The following SLC1A6 variants were observed in gnomAD, a reference collection of about 807,000 sequenced individuals.
The protein encoded by SLC1A6 is solute carrier family 1 member 6, also known as excitatory amino acid transporter 4.
SLC1A6 carries 15 observed loss-of-function variants against 42.1 expected under a neutral mutation model. The observed-to-expected ratio is 0.36, with a 90% confidence interval of 0.24 to 0.55. The LOEUF (loss-of-function observed/expected upper bound fraction) is 0.55. Ranked by LOEUF, SLC1A6 falls within the 20% of genes least tolerant of loss-of-function variation. The pLI, the probability that SLC1A6 is intolerant of heterozygous loss-of-function variation, is 0.88. For missense variants in SLC1A6, 542 were observed against 772.5 expected, an observed-to-expected ratio of 0.70 and a Z score of 3.54; for synonymous variants, 317 against 319.7, an observed-to-expected ratio of 0.99 and a Z score of 0.09.
At chr19:14,993,576 G>C (rs1267957187) in intron 1 of SLC1A6, among the ~76,000 whole-genome samples, 2 of 152,320 alleles carry the variant, frequency 1.3e-5, no homozygotes, top group East Asian at 3.9e-4. Flanking sequence ...CTCTGTCTTA[G>C]TGAGAGATGT....
At chr19:15,001,426 A>AGAGGAGAAAGAACATTTCG (rs1491588844) in intron 1 of SLC1A6, among the ~76,000 whole-genome samples, 52 of 152,344 alleles carry the variant, frequency 3.4e-4, no homozygotes, top group African/African-American at 1.2e-3. Context: ...AGAACATTTC[A>AGAGGAGAAAGAACATTTCG]GAGAGGGGAA....
At chr19:14,986,522 CAA>C (rs957267768) in intron 1 of SLC1A6, among the ~76,000 whole-genome samples, 4 of 109,922 alleles carry the variant, frequency 3.6e-5, no homozygotes, top group Non-Finnish European at 3.9e-5. Flanking sequence ...AACTCCGTCT[CAA>C]AAAAAAAAAA....
chr19:14,992,349 T>G (rs2045824621), intron 1 of SLC1A6, among the ~76,000 whole-genome samples: 1 of 152,214 alleles, frequency 6.6e-6, no homozygotes, highest in Non-Finnish European at 1.5e-5. Flanking sequence ...TGTGGCCTTG[T>G]GAGTCTCTTG....
At chr19:14,987,616 A>G (rs988557195) in intron 1 of SLC1A6, among the ~76,000 whole-genome samples, 1 of 152,170 alleles carries the variant, frequency 6.6e-6, no homozygotes, top group Admixed American at 6.6e-5. Context: ...CAAAGCAGAT[A>G]AGGAAGTGAG....
chr19:14,951,273 A>AAGAAAG (rs1555704146), intron 9 of SLC1A6, among the ~76,000 whole-genome samples: 15,823 of 95,054 alleles, frequency 0.17, 469 homozygotes, highest in Non-Finnish European at 0.19. Flanking sequence ...AAAAAAAAAA[A>AAGAAAG]AAAAAGAAAG....
At chr19:15,002,664 AAAG>A (rs1208565857) in intron 1 of SLC1A6, among the ~76,000 whole-genome samples, 1 of 152,210 alleles carries the variant, frequency 6.6e-6, no homozygotes, top group African/African-American at 2.4e-5. Context: ...CCCAGCTGAA[AAAG>A]AAATCCATCA....
intron 6 of SLC1A6, among the ~76,000 whole-genome samples, chr19:14,959,039 T>G (rs928654622): frequency 6.6e-6 from 1 of 152,248 alleles, no homozygotes; most frequent in Non-Finnish European, 1.5e-5. Context: ...CAAGCCTCCT[T>G]ACTTTATGCT....
intron 2 of SLC1A6, 46 bp from the exon 3 acceptor site, chr19:14,971,920 A>C: frequency 6.2e-7 from 1 of 1,604,626 alleles, no homozygotes; most frequent in Non-Finnish European, 8.5e-7. Flanking sequence ...TGGGTCGCTC[A>C]GCCCCAGGCA....
At position 14,950,098 on chromosome 19, in the gene SLC1A6, T is replaced by G; in HGVS notation, c.*97A>C. The stretch of plus-strand genomic sequence containing the variant: ...CCCTAAATGAGTCAAGCAGAACGTG[T>G]GTTCAGCCCACGGTCAGTTGGGCAA... On this transcript the variant is annotated 3_prime_UTR_variant, in exon 10 of 10. Transcript: ENST00000594383. 2 of 815,582 alleles carry G rather than the reference T, an allele frequency of 2.5e-6. No homozygotes were observed. The highest frequency in any genetic ancestry group is 3.6e-6 in the Non-Finnish European group (2 of 550,602). 50.5% of individuals were successfully genotyped at this position (815,582 alleles called of 1,614,324 possible).
chr19:14,979,543 C>A lies in SLC1A6; in HGVS notation c.-242G>T, dbSNP rs904366013. 6.6e-6 allele frequency: 1 copy of A among 150,904 alleles called. No homozygotes were observed. Among genetic ancestry groups the A allele is most frequent in the Non-Finnish European group, 1.5e-5 (1 of 67,636 alleles). The allele number at this position is 150,904 out of a possible 1,614,324, so 9.3% of individuals were successfully genotyped here. On this transcript the variant is annotated 5_prime_UTR_variant, in exon 1 of 10. Transcript: ENST00000594383. The surrounding 1 kb of genome is among the most constrained non-coding windows in gnomAD (Gnocchi z 4.2). ...TCCGGAGCGGCGGGGGCGGCCTGCC[C>A]GCGCCTCGGCCTGCGCGCTGCGCCC...
Position 14,953,018 on chromosome 19 carries a change from T to C in SLC1A6, c.1409A>G (p.Gln470Arg). 6.2e-7 allele frequency: 1 copy of C among 1,613,790 alleles called. No individual in the cohort carries two copies. Among genetic ancestry groups the C allele is most frequent in the Non-Finnish European group, 8.5e-7 (1 of 1,179,950 alleles). ...AASVGAAGIP[Q>R]AGLVTMVIVL... The stretch of plus-strand genomic sequence containing the variant: ...AATGACCATGGTGACCAGACCCGCC[T>C]GGGGGATGCCAGCAGCCCCAACACT... The change falls in exon 9 of 10, where the codon CAG becomes CGG. Residue 470 changes from glutamine to arginine, a missense_variant. Physicochemically the swap from Gln to Arg is conservative, Grantham distance 43 (BLOSUM62 1). Coordinates refer to ENST00000594383, the MANE Select transcript of SLC1A6 (RefSeq NM_005071.3).
intron 1 of SLC1A6, among the ~76,000 whole-genome samples, chr19:15,007,796 G>A (rs751295374): frequency 3.9e-5 from 6 of 152,064 alleles, no homozygotes; most frequent in Non-Finnish European, 7.4e-5. Context: ...GGGGCGAGAC[G>A]GGTGGATCAT....
At chr19:14,989,996 A>C (rs2045811801) in intron 1 of SLC1A6, among the ~76,000 whole-genome samples, 1 of 152,136 alleles carries the variant, frequency 6.6e-6, no homozygotes, top group African/African-American at 2.4e-5. Context: ...TGTCTCGAAA[A>C]AATAGAAGAA....
At chr19:14,971,654 A>T in intron 3 of SLC1A6, 83 bp downstream of exon 3, 1 of 1,396,912 alleles carries the variant, frequency 7.2e-7, no homozygotes, top group Non-Finnish European at 1.0e-6. Context: ...AAGTGGTCCC[A>T]TGCTTGGGAT....
At chr19:14,991,821 CT>C (rs1802767666) in intron 1 of SLC1A6, among the ~76,000 whole-genome samples, 1 of 148,034 alleles carries the variant, frequency 6.8e-6, no homozygotes, top group African/African-American at 2.5e-5. Flanking sequence ...AAAGTTCCTA[CT>C]TTTCCTTCTG....
chr19:14,999,061 G>A (rs960455787), intron 1 of SLC1A6, among the ~76,000 whole-genome samples: 1 of 151,950 alleles, frequency 6.6e-6, no homozygotes, highest in Admixed American at 6.6e-5. Context: ...TGTATTTTTA[G>A]TAGAGACGGG....
intron 1 of SLC1A6, among the ~76,000 whole-genome samples, chr19:15,001,911 TCAGTCTCCCA>T (rs2045874271): frequency 6.6e-6 from 1 of 152,056 alleles, no homozygotes; most frequent in Non-Finnish European, 1.5e-5. Flanking sequence ...TTCATCCGCC[TCAGTCTCCCA>T]AAGTGCTGGG....
chr19:15,006,672 C>G (rs1199310843), intron 1 of SLC1A6, among the ~76,000 whole-genome samples: 2 of 151,294 alleles, frequency 1.3e-5, no homozygotes, highest in Admixed American at 1.3e-4. Context: ...GCCTGTAATC[C>G]CAGCACCTTT....
chr19:14,955,997 T>A (rs1336212960), intron 7 of SLC1A6, among the ~76,000 whole-genome samples: 1 of 152,142 alleles, frequency 6.6e-6, no homozygotes, highest in Non-Finnish European at 1.5e-5. Context: ...CAAATTTGTT[T>A]TTGAATTGGG....
Sources: gnomAD v4.1 joint callset for allele counts (sites outside exome capture counted in the v4.1 genomes callset) on GRCh38, gnomAD v4.1.1 for gene constraint, Gnocchi (gnomAD v3.1) non-coding constraint, MANE v1.5 for transcripts, NCBI Gene and HGNC (gene_info 2026-07-23, HGNC 2026-07-21) for gene names.